Variants in PDE4D observed in about 807,000 individuals in gnomAD.
PDE4D encodes the protein phosphodiesterase 4D.
Under a neutral mutation model 87.4 loss-of-function variants are expected in PDE4D, and 24 were observed. The observed-to-expected ratio is 0.27, with a 90% CI of 0.20 to 0.39. The LOEUF is 0.39. Among genes scored for constraint, PDE4D ranks in the 10% least tolerant of loss-of-function variants. The pLI, the probability that PDE4D is intolerant of heterozygous loss-of-function variation, is 1.00. For synonymous variants in PDE4D, 384 were observed against 383.2 expected (o/e 1.00, Z -0.02); for missense variants, 714 against 1,041.0 (o/e 0.69, Z 4.32).
intron 1 of PDE4D, among the ~76,000 whole-genome samples, chr5:60,476,047 C>T (rs185962897): frequency 1.4e-4 from 22 of 152,250 alleles, no homozygotes; most frequent in African/African-American, 5.1e-4. Context: ...TAAATCCAAT[C>T]ATTCAGATAT....
At chr5:59,688,920 T>G (rs188003855) in intron 1 of PDE4D, among the ~76,000 whole-genome samples, 1 of 151,738 alleles carries the variant, frequency 6.6e-6, no homozygotes, top group Admixed American at 6.6e-5. Context: ...TACAAACTAC[T>G]ATCAGAGAAT....
intron 1 of PDE4D, among the ~76,000 whole-genome samples, chr5:59,297,317 T>G (rs1261016766): frequency 6.6e-6 from 1 of 152,232 alleles, no homozygotes; most frequent in Non-Finnish European, 1.5e-5. Context: ...ATGTTATCTA[T>G]TTAATCCAAC....
chr5:59,267,878 G>C (rs1348965014), intron 1 of PDE4D, among the ~76,000 whole-genome samples: 3 of 152,016 alleles, frequency 2.0e-5, no homozygotes, highest in Non-Finnish European at 4.4e-5. Context: ...AAATGGAAGG[G>C]CTTGCAGGTG....
intron 1 of PDE4D, among the ~76,000 whole-genome samples, chr5:59,368,247 T>C (rs1191794968): frequency 2.0e-5 from 3 of 152,240 alleles, no homozygotes; most frequent in Non-Finnish European, 4.4e-5. Context: ...GCATCTATGT[T>C]TGTTCCCATG....
At chr5:59,065,855 A>G (rs1763848395) in intron 5 of PDE4D, among the ~76,000 whole-genome samples, 1 of 152,190 alleles carries the variant, frequency 6.6e-6, no homozygotes, top group African/African-American at 2.4e-5. Context: ...AAGAAAGTCC[A>G]TTCTATACCA....
intron 1 of PDE4D, among the ~76,000 whole-genome samples, chr5:60,226,372 C>CA (rs1231480396): frequency 6.6e-6 from 1 of 151,958 alleles, no homozygotes; most frequent in East Asian, 1.9e-4. Flanking sequence ...ATTACAGTGA[C>CA]AATCAATCCT....
intron 1 of PDE4D, among the ~76,000 whole-genome samples, chr5:59,386,329 C>A (rs114699888): frequency 0.014 from 2,125 of 152,152 alleles, 26 homozygotes; most frequent in Non-Finnish European, 0.019. Context: ...AAGAAAAAGA[C>A]TAGAGAGTCA....
intron 3 of PDE4D, among the ~76,000 whole-genome samples, chr5:59,909,227 T>A (rs749055281): frequency 2.0e-5 from 3 of 152,162 alleles, no homozygotes; most frequent in Non-Finnish European, 2.9e-5. Flanking sequence ...CACTCCTAGA[T>A]TATTGTGACA....
intron 5 of PDE4D, among the ~76,000 whole-genome samples, chr5:59,068,569 C>T (rs780315042): frequency 2.3e-4 from 35 of 152,054 alleles, no homozygotes; most frequent in Non-Finnish European, 3.4e-4. Context: ...AAATTTTAAT[C>T]TTATTAATGT....
At chr5:60,020,387 A>T (rs1007631397) in intron 2 of PDE4D, among the ~76,000 whole-genome samples, 1 of 152,218 alleles carries the variant, frequency 6.6e-6, no homozygotes, top group Non-Finnish European at 1.5e-5. Flanking sequence ...CACTTGTTAG[A>T]TGTAGAGTTT....
chr5:59,485,025 A>G (rs1804875241), intron 1 of PDE4D, among the ~76,000 whole-genome samples: 1 of 152,208 alleles, frequency 6.6e-6, no homozygotes, highest in African/African-American at 2.4e-5. Flanking sequence ...AATAATTCCA[A>G]GAAACCCCAG....
At chr5:59,565,834 CT>C (rs1820793671) in intron 1 of PDE4D, among the ~76,000 whole-genome samples, 1 of 152,058 alleles carries the variant, frequency 6.6e-6, no homozygotes, top group Non-Finnish European at 1.5e-5. Context: ...GGCACCTCCC[CT>C]CATATGAGAA....
intron 5 of PDE4D, chr5:59,039,231 G>A (rs886175298): frequency 1.6e-5 from 20 of 1,254,400 alleles, no homozygotes; most frequent in African/African-American, 1.4e-4. Context: ...TGCAAAGAGC[G>A]GCGAGCCAAC....
intron 6 of PDE4D, among the ~76,000 whole-genome samples, chr5:59,014,832 A>G (rs1336961583): frequency 1.3e-5 from 2 of 152,242 alleles, no homozygotes; most frequent in Non-Finnish European, 2.9e-5. Flanking sequence ...CTAAGCAAAA[A>G]GAACAAAGCT....
intron 1 of PDE4D, among the ~76,000 whole-genome samples, chr5:59,601,681 T>C (rs1827525647): frequency 6.6e-6 from 1 of 152,122 alleles, no homozygotes; most frequent in Non-Finnish European, 1.5e-5. Context: ...CAGTGATTAC[T>C]TTAACCTTCT....
At chr5:60,246,195 AATGG>A (rs2149672121) in intron 1 of PDE4D, among the ~76,000 whole-genome samples, 1 of 151,972 alleles carries the variant, frequency 6.6e-6, no homozygotes, top group Non-Finnish European at 1.5e-5. Flanking sequence ...TACAATATTT[AATGG>A]ATGAATTTAA....
At chr5:59,688,135 C>A (rs1244532767) in intron 1 of PDE4D, among the ~76,000 whole-genome samples, 2 of 152,124 alleles carry the variant, frequency 1.3e-5, no homozygotes, top group Admixed American at 6.6e-5. Flanking sequence ...CTGTAACACC[C>A]CACTGTCAAC....
intron 1 of PDE4D, chr5:59,275,669 C>A: frequency 1.7e-6 from 2 of 1,159,904 alleles, no homozygotes; most frequent in Non-Finnish European, 2.1e-6. Context: ...CTTGCAATGC[C>A]AAGGGAGGAA....
At chr5:59,156,320 A>AAAAAAAATATAT (rs548335725) in intron 5 of PDE4D, among the ~76,000 whole-genome samples, 1 of 81,778 alleles carries the variant, frequency 1.2e-5, no homozygotes, top group African/African-American at 5.1e-5. Context: ...AAAAAAAAAA[A>AAAAAAAATATAT]ATATATATAT....
Sources: gnomAD v4.1 joint callset for allele counts (sites outside exome capture counted in the v4.1 genomes callset) on GRCh38, gnomAD v4.1.1 for gene constraint, MANE v1.5 for transcripts, NCBI Gene and HGNC (gene_info 2026-07-23, HGNC 2026-07-21) for gene names.